The following APP variants were observed in gnomAD, a reference collection of about 807,000 sequenced individuals.
APP encodes the protein amyloid beta precursor protein, also known as amyloid-beta precursor protein.
Under a neutral mutation model 101.4 loss-of-function variants are expected in APP, and 31 were observed. The observed-to-expected ratio is 0.31, with a 90% CI of 0.23 to 0.41. The LOEUF (loss-of-function observed/expected upper bound fraction) is 0.41. APP is among the 10% of genes least tolerant of loss of function. The probability of loss-of-function intolerance (pLI) is 1.00; values close to 1 mark genes in which losing one functional copy is unlikely to be tolerated. For synonymous variants in APP, 366 were observed against 364.4 expected (o/e 1.00, Z -0.05); for missense variants, 839 against 1,003.7 (o/e 0.84, Z 2.22).
At chr21:25,902,869 C>T (rs1422715614) in intron 15 of APP, among the ~76,000 whole-genome samples, 1 of 152,102 alleles carries the variant, frequency 6.6e-6, no homozygotes. Flanking sequence ...TTCTTTCAAA[C>T]CTAGAAAGAA....
intron 15 of APP, among the ~76,000 whole-genome samples, chr21:25,903,164 C>A (rs544180010): frequency 6.6e-6 from 1 of 151,832 alleles, no homozygotes; most frequent in African/African-American, 2.4e-5. Context: ...GTCAGTAGTT[C>A]GAGACCAGCC....
At chr21:26,099,355 AAAGT>A (rs1339113708) in intron 2 of APP, among the ~76,000 whole-genome samples, 1 of 152,214 alleles carries the variant, frequency 6.6e-6, no homozygotes, top group African/African-American at 2.4e-5. Context: ...ATCCAAGAAG[AAAGT>A]AAGAAAAATG....
chr21:26,057,133 G>A (rs538022041), intron 3 of APP, among the ~76,000 whole-genome samples: 1 of 152,242 alleles, frequency 6.6e-6, no homozygotes, highest in South Asian at 2.1e-4. Flanking sequence ...TAAAAACAAA[G>A]TTTATTAATT....
intron 9 of APP, among the ~76,000 whole-genome samples, chr21:25,976,665 C>T (rs568149205): frequency 6.6e-6 from 1 of 152,284 alleles, no homozygotes; most frequent in Admixed American, 6.5e-5. Context: ...TCCAAGAAAA[C>T]ATGTAATATT....
At chr21:25,999,915 G>A in intron 7 of APP, 100 bp downstream of exon 7, 1 of 1,358,080 alleles carries the variant, frequency 7.4e-7, no homozygotes, top group Admixed American at 1.9e-5. Context: ...GGTAGCAACA[G>A]GCCCATTCCC....
intron 1 of APP, among the ~76,000 whole-genome samples, chr21:26,122,262 G>A (rs1337784853): frequency 2.6e-5 from 4 of 152,198 alleles, no homozygotes; most frequent in Admixed American, 6.5e-5. Flanking sequence ...GGGCTATAGT[G>A]AGGGAGTCAG....
At chr21:26,014,112 C>T in intron 6 of APP, among the ~76,000 whole-genome samples, 1 of 152,154 alleles carries the variant, frequency 6.6e-6, no homozygotes, top group East Asian at 1.9e-4. Context: ...TACCCTTTTG[C>T]CCTGTTCCCA....
chr21:25,952,191 T>TAC (rs57270357), intron 13 of APP, among the ~76,000 whole-genome samples: 29,361 of 139,838 alleles, frequency 0.21, 3,429 homozygotes, highest in East Asian at 0.32. Flanking sequence ...ATTACATACA[T>TAC]ACACACACAC....
intron 13 of APP, among the ~76,000 whole-genome samples, chr21:25,938,081 C>G (rs2040427679): frequency 6.6e-6 from 1 of 152,124 alleles, no homozygotes; most frequent in Admixed American, 6.6e-5. Flanking sequence ...GCCTTTTATA[C>G]TGTTTATTCC....
chr21:26,111,589 T>G (rs1389285392), intron 2 of APP, among the ~76,000 whole-genome samples: 2 of 151,222 alleles, frequency 1.3e-5, no homozygotes, highest in African/African-American at 4.9e-5. Flanking sequence ...TTAAAAAAAA[T>G]CAGTCAGGCC....
chr21:26,160,598 AT>A (rs1313585183), intron 1 of APP, among the ~76,000 whole-genome samples: 3 of 152,092 alleles, frequency 2.0e-5, no homozygotes, highest in African/African-American at 4.8e-5. Context: ...AATTCAATAT[AT>A]TTTTTTAAAG....
chr21:26,168,342 CAGAG>C (rs1007204490), intron 1 of APP, among the ~76,000 whole-genome samples: 5 of 152,150 alleles, frequency 3.3e-5, no homozygotes, highest in Admixed American at 6.5e-5. Flanking sequence ...TCAGTGGACA[CAGAG>C]AGAACCAGAT....
chr21:26,119,685 AACACACAC>A (rs5843212), intron 1 of APP, among the ~76,000 whole-genome samples: 1 of 150,324 alleles, frequency 6.7e-6, no homozygotes, highest in Non-Finnish European at 1.5e-5. Context: ...TGCTAGAATG[AACACACAC>A]ACACACACAC....
At chr21:26,169,385 G>A (rs1398970513) in intron 1 of APP, 1 of 152,666 alleles carries the variant, frequency 6.6e-6, no homozygotes, top group African/African-American at 2.4e-5. Context: ...GCCCCCAGGG[G>A]AACTAAACCA....
At chr21:25,967,944 C>CT (rs2041858521) in intron 11 of APP, among the ~76,000 whole-genome samples, 1 of 152,096 alleles carries the variant, frequency 6.6e-6, no homozygotes, top group Non-Finnish European at 1.5e-5. Context: ...TTAATTCTTC[C>CT]AGGGGGAAAA....
intron 1 of APP, among the ~76,000 whole-genome samples, chr21:26,134,933 G>C (rs532430097): frequency 6.6e-6 from 1 of 152,102 alleles, no homozygotes; most frequent in Admixed American, 6.5e-5. Flanking sequence ...TTAAAACTTC[G>C]ATGTTTCTAA....
chr21:26,066,263 T>C (rs2046450099), intron 3 of APP, among the ~76,000 whole-genome samples: 1 of 152,168 alleles, frequency 6.6e-6, no homozygotes, highest in Non-Finnish European at 1.5e-5. Flanking sequence ...GATAACCCAT[T>C]ACAACTAATC....
chr21:26,067,784 CT>C (rs1364400080), intron 3 of APP, among the ~76,000 whole-genome samples: 2 of 152,170 alleles, frequency 1.3e-5, no homozygotes, highest in Admixed American at 6.5e-5. Context: ...GTTCAGTCCT[CT>C]GTATCCCGAG....
At chr21:26,023,244 T>C (rs1357282731) in intron 5 of APP, among the ~76,000 whole-genome samples, 1 of 145,608 alleles carries the variant, frequency 6.9e-6, no homozygotes, top group African/African-American at 2.8e-5. Flanking sequence ...ACAGATCACC[T>C]ACCTGCTAAA....
Sources: gnomAD v4.1 joint callset for allele counts (sites outside exome capture counted in the v4.1 genomes callset) on GRCh38, gnomAD v4.1.1 for gene constraint, MANE v1.5 for transcripts, NCBI Gene and HGNC (gene_info 2026-07-23, HGNC 2026-07-21) for gene names.